FIG4: variants seen among roughly 807,000 people sequenced by gnomAD.
The protein encoded by FIG4 is FIG4 phosphoinositide 5-phosphatase.
FIG4 carries 112 observed loss-of-function variants against 118.6 expected under a neutral mutation model. That is an observed-to-expected ratio of 0.94 (90% CI 0.81 to 1.11). FIG4 has a LOEUF of 1.11. FIG4 is among the 50% of genes least tolerant of loss of function. FIG4 has a pLI of 0.00. For synonymous variants in FIG4, 369 were observed against 381.2 expected (o/e 0.97, Z 0.37); for missense variants, 969 against 1,111.7 (o/e 0.87, Z 1.83).
At chr6:109,694,673 T>C (rs1216530945) in intron 1 of FIG4, among the ~76,000 whole-genome samples, 1 of 152,082 alleles carries the variant, frequency 6.6e-6, no homozygotes, top group Admixed American at 6.6e-5. Context: ...GAGAAAATAT[T>C]TGCAAACTCT....
chr6:109,719,222 A>G (rs1420463096), intron 3 of FIG4, among the ~76,000 whole-genome samples: 3 of 152,160 alleles, frequency 2.0e-5, no homozygotes, highest in South Asian at 4.1e-4. Flanking sequence ...CCTGGCCACA[A>G]CTTTTTTGAT....
At chr6:109,821,293 G>T (rs1464348063) in intron 22 of FIG4, among the ~76,000 whole-genome samples, 1 of 152,210 alleles carries the variant, frequency 6.6e-6, no homozygotes, top group Non-Finnish European at 1.5e-5. Context: ...CAACCAAAGA[G>T]AGTTCTGTGA....
At chr6:109,697,588 T>C (rs1284349237) in intron 1 of FIG4, among the ~76,000 whole-genome samples, 1 of 152,162 alleles carries the variant, frequency 6.6e-6, no homozygotes, top group Non-Finnish European at 1.5e-5. Flanking sequence ...AGGAGGAAAC[T>C]GCAATGTCTT....
chr6:109,719,508 T>C (rs895152791), intron 3 of FIG4, among the ~76,000 whole-genome samples: 1 of 152,050 alleles, frequency 6.6e-6, no homozygotes, highest in East Asian at 1.9e-4. Flanking sequence ...CTCAGGCTCC[T>C]GAGTAGCTGG....
At chr6:109,704,811 A>T (rs1775015059) in intron 1 of FIG4, among the ~76,000 whole-genome samples, 1 of 152,168 alleles carries the variant, frequency 6.6e-6, no homozygotes, top group African/African-American at 2.4e-5. Flanking sequence ...GTAGTACATG[A>T]TCCTTGATTA....
At chr6:109,771,707 G>A (rs527273740) in intron 15 of FIG4, among the ~76,000 whole-genome samples, 6 of 152,110 alleles carry the variant, frequency 3.9e-5, no homozygotes, top group South Asian at 2.1e-4. Context: ...CCCATCAAAT[G>A]CAGAGGGCGT....
chr6:109,773,305 A>C (rs1004085858), intron 15 of FIG4, among the ~76,000 whole-genome samples: 9 of 152,162 alleles, frequency 5.9e-5, no homozygotes, highest in East Asian at 3.9e-4. Flanking sequence ...TTTACCATGT[A>C]GTAGAAAATA....
chr6:109,793,091 T>C (rs1392514879), intron 21 of FIG4, among the ~76,000 whole-genome samples: 3 of 152,238 alleles, frequency 2.0e-5, no homozygotes, highest in East Asian at 3.8e-4. Flanking sequence ...TTCTGAAACA[T>C]TGATTTATAT....
At position 109,741,444 on chromosome 6, in the gene FIG4, A is replaced by T; in HGVS notation, c.776A>T (p.Lys259Met). 1.2e-6 allele frequency: 2 copies of T among 1,600,132 alleles called. No individual in the cohort carries two copies. ...AAACAACCTTAACTTGATTTCCAAG[A>T]GCTGTTGATCTATGGACGACCAGTG... ...YIIHGFCGQS[K>M]LLIYGRPVYV... Residue 259 changes from lysine to methionine, a missense_variant and splice_region_variant, in exon 8 of 23, where the codon AAG becomes ATG. Around this residue, in one of 3 missense-constraint regions of FIG4, gnomAD observed 393 missense variants for 409.4 expected, o/e 0.96. Transcript: ENST00000230124.
intron 1 of FIG4, among the ~76,000 whole-genome samples, chr6:109,697,808 A>T (rs1232813454): frequency 6.6e-6 from 1 of 152,062 alleles, no homozygotes; most frequent in Non-Finnish European, 1.5e-5. Flanking sequence ...ACTATCCTTT[A>T]TTGAATTTCT....
Position 109,796,801 on chromosome 6 carries a change from C to G in FIG4, c.2496C>G (p.Asp832Glu), listed in dbSNP as rs1778300151. 1.2e-6 allele frequency: 2 copies of G among 1,612,176 alleles called. No homozygotes were observed. The highest frequency in any genetic ancestry group is 1.7e-6 in the Non-Finnish European group (2 of 1,178,228). ...VQLGQSQHKQ[D>E]KNSQQPCSRC... is the part of the protein sequence containing the mutation. ...TGGGGCAGAGTCAACATAAACAAGA[C>G]AAGAATAGCCAGCAGCCCTGTTCTA... The change falls in exon 22 of 23, where the codon GAC (aspartate) becomes GAG (glutamate). Residue 832 changes from aspartate (D) to glutamate (E), a missense_variant. Coordinates refer to ENST00000230124, the MANE Select transcript of FIG4 (RefSeq NM_014845.6).
At chr6:109,784,415 C>T (rs938973092) in intron 16 of FIG4, among the ~76,000 whole-genome samples, 1 of 152,186 alleles carries the variant, frequency 6.6e-6, no homozygotes, top group Non-Finnish European at 1.5e-5. Flanking sequence ...GAATAACGGT[C>T]TATACTGCTT....
intron 22 of FIG4, among the ~76,000 whole-genome samples, chr6:109,799,251 A>G (rs896146195): frequency 3.3e-5 from 5 of 152,242 alleles, no homozygotes; most frequent in Non-Finnish European, 7.3e-5. Flanking sequence ...TTAGTAAAGA[A>G]TCTGTCATAA....
intron 10 of FIG4, among the ~76,000 whole-genome samples, chr6:109,748,486 G>A (rs1776575721): frequency 5.9e-5 from 9 of 152,092 alleles, no homozygotes. Flanking sequence ...GGAAATAAAA[G>A]AGGTCACGAA....
chr6:109,735,237 G>C lies in FIG4; in HGVS notation c.585G>C (p.Gln195His). The C allele has an allele frequency of 6.2e-7, 1 of 1,613,546 alleles. No individual in the cohort carries two copies. Among genetic ancestry groups the C allele is most frequent in the Non-Finnish European group, 8.5e-7 (1 of 1,179,626 alleles). Residue 195 changes from glutamine (Q) to histidine (H), a missense_variant, in exon 6 of 23, where the codon CAG becomes CAC. Physicochemically the swap from Gln to His is conservative, Grantham distance 24. Around this residue, in one of 3 missense-constraint regions of FIG4, gnomAD observed 393 missense variants for 409.4 expected, o/e 0.96. Coordinates refer to ENST00000230124, the MANE Select transcript of FIG4 (RefSeq NM_014845.6). ...PLEMLKSEMT[Q>H]NRQESFDIFE... is the part of the protein sequence containing the mutation. ...AGATGTTAAAGTCAGAAATGACCCA[G>C]AATCGCCAAGAGAGCTTTGACATCT...
At chr6:109,718,504 A>G (rs1384567167) in intron 3 of FIG4, among the ~76,000 whole-genome samples, 2 of 152,204 alleles carry the variant, frequency 1.3e-5, no homozygotes, top group Non-Finnish European at 2.9e-5. Flanking sequence ...ATATTCTGCC[A>G]TCCTTGGAGT....
intron 16 of FIG4, among the ~76,000 whole-genome samples, chr6:109,777,593 A>G (rs1777657992): frequency 6.6e-6 from 1 of 152,164 alleles, no homozygotes; most frequent in Non-Finnish European, 1.5e-5. Context: ...TGTAATTCCA[A>G]TATTCTCTCC....
intron 10 of FIG4, among the ~76,000 whole-genome samples, chr6:109,756,808 T>G (rs935915711): frequency 6.6e-6 from 1 of 152,244 alleles, no homozygotes. Flanking sequence ...AGCACTTCTC[T>G]GTATTGGTTA....
chr6:109,800,830 TGAGA>T (rs1778407405), intron 22 of FIG4, among the ~76,000 whole-genome samples: 1 of 152,124 alleles, frequency 6.6e-6, no homozygotes, highest in African/African-American at 2.4e-5. Flanking sequence ...TACTGCCTTC[TGAGA>T]GAGAGAAAAA....
Sources: allele counts gnomAD v4.1 joint callset (sites outside exome capture counted in the v4.1 genomes callset), GRCh38; gene constraint gnomAD v4.1.1; regional missense constraint gnomAD v4.1.1; transcripts MANE v1.5; gene names NCBI Gene and HGNC (gene_info 2026-07-23, HGNC 2026-07-21).